DTWD2: variants seen among roughly 807,000 people sequenced by gnomAD.
DTWD2 encodes the protein tRNA-uridine aminocarboxypropyltransferase 2.
DTWD2 carries 39 observed loss-of-function variants against 31.8 expected under a neutral mutation model. That is an observed-to-expected ratio of 1.22 (90% CI 0.95 to 1.60). The LOEUF is 1.60. Among genes scored for constraint, DTWD2 ranks in the 40% most tolerant of loss-of-function variants. The pLI is 0.00. For synonymous variants in DTWD2, 180 were observed against 142.8 expected (o/e 1.26, Z -1.86); for missense variants, 515 against 381.5 (o/e 1.35, Z -2.92).
intron 4 of DTWD2, among the ~76,000 whole-genome samples, chr5:118,849,841 A>G (rs1019909739): frequency 2.0e-5 from 3 of 152,068 alleles, no homozygotes; most frequent in African/African-American, 7.2e-5. Context: ...ACACATGGAC[A>G]TCAGGAGGGG....
chr5:118,897,643 G>GC (rs1195160411), intron 4 of DTWD2, among the ~76,000 whole-genome samples: 1 of 152,116 alleles, frequency 6.6e-6, no homozygotes, highest in Non-Finnish European at 1.5e-5. Flanking sequence ...ATAGATAACT[G>GC]CAACAATAGC....
intron 4 of DTWD2, among the ~76,000 whole-genome samples, chr5:118,890,848 C>T (rs1011876755): frequency 2.6e-5 from 4 of 152,110 alleles, no homozygotes; most frequent in Admixed American, 1.3e-4. Flanking sequence ...GGATTACAGG[C>T]GTGGGCCACT....
intron 4 of DTWD2, among the ~76,000 whole-genome samples, chr5:118,887,643 G>C (rs1225057443): frequency 6.6e-6 from 1 of 152,278 alleles, no homozygotes; most frequent in East Asian, 1.9e-4. Flanking sequence ...GTTTAAGACA[G>C]GGACTCGCTG....
chr5:118,876,547 G>C (rs1365933459), intron 4 of DTWD2, among the ~76,000 whole-genome samples: 1 of 151,978 alleles, frequency 6.6e-6, no homozygotes, highest in Non-Finnish European at 1.5e-5. Flanking sequence ...ACGACAAGAG[G>C]GGTATTACCA....
chr5:118,963,535 A>C (rs1216551499), intron 1 of DTWD2, among the ~76,000 whole-genome samples: 1 of 152,230 alleles, frequency 6.6e-6, no homozygotes, highest in Admixed American at 6.5e-5. Context: ...TTTACCTAAA[A>C]TATAAGCATT....
At chr5:118,955,762 C>T (rs11960477) in intron 1 of DTWD2, among the ~76,000 whole-genome samples, 4,001 of 151,638 alleles carry the variant, frequency 0.026, 184 homozygotes, top group African/African-American at 0.091. Flanking sequence ...AGCCACTATG[C>T]TCCAGCCTGG....
intron 5 of DTWD2, among the ~76,000 whole-genome samples, chr5:118,846,013 G>A (rs1239414032): frequency 6.6e-6 from 1 of 152,040 alleles, no homozygotes; most frequent in East Asian, 1.9e-4. Flanking sequence ...CTAAAACAAC[G>A]TAAAGTTGTC....
chr5:118,859,437 C>G (rs1424727864), intron 4 of DTWD2, among the ~76,000 whole-genome samples: 2 of 152,062 alleles, frequency 1.3e-5, no homozygotes, highest in Non-Finnish European at 2.9e-5. Context: ...TTACATGTTG[C>G]ATATAGTATA....
intron 5 of DTWD2, among the ~76,000 whole-genome samples, chr5:118,845,715 C>T (rs1436981320): frequency 1.3e-5 from 2 of 152,168 alleles, no homozygotes; most frequent in African/African-American, 2.4e-5. Context: ...ATTTTATCTA[C>T]AGACAACAAT....
intron 4 of DTWD2, among the ~76,000 whole-genome samples, chr5:118,890,844 C>T (rs1332684284): frequency 6.6e-6 from 1 of 152,164 alleles, no homozygotes; most frequent in African/African-American, 2.4e-5. Flanking sequence ...GCTGGGATTA[C>T]AGGCGTGGGC....
chr5:118,926,260 G>C (rs1328347454), intron 4 of DTWD2, among the ~76,000 whole-genome samples: 1 of 152,164 alleles, frequency 6.6e-6, no homozygotes, highest in Non-Finnish European at 1.5e-5. Context: ...CAACTTGGAT[G>C]GAACTGGAGG....
chr5:118,936,958 T>C (rs1360644548), intron 3 of DTWD2, among the ~76,000 whole-genome samples: 2 of 152,276 alleles, frequency 1.3e-5, no homozygotes, highest in East Asian at 3.9e-4. Context: ...CAAGCAACTT[T>C]ATGACAATAA....
chr5:118,986,614 G>A (rs1240661107), intron 1 of DTWD2, among the ~76,000 whole-genome samples: 1 of 151,696 alleles, frequency 6.6e-6, no homozygotes, highest in African/African-American at 2.4e-5. Context: ...GTTCACCCAG[G>A]GTACTAGTAG....
chr5:118,983,362 T>C (rs1755350657), intron 1 of DTWD2, among the ~76,000 whole-genome samples: 1 of 152,224 alleles, frequency 6.6e-6, no homozygotes, highest in South Asian at 2.1e-4. Flanking sequence ...GATTTTTATA[T>C]GAAACATCTT....
At chr5:118,967,292 T>C (rs1754874390) in intron 1 of DTWD2, among the ~76,000 whole-genome samples, 1 of 152,146 alleles carries the variant, frequency 6.6e-6, no homozygotes, top group Admixed American at 6.6e-5. Flanking sequence ...CATATAGATT[T>C]AGAAATAGAT....
intron 4 of DTWD2, among the ~76,000 whole-genome samples, chr5:118,858,187 T>C (rs1752182359): frequency 6.6e-6 from 1 of 151,928 alleles, no homozygotes; most frequent in Admixed American, 6.6e-5. Context: ...AAAAAAAAGA[T>C]TTCTTGCCTT....
chr5:118,931,819 A>G (rs1341461754), intron 3 of DTWD2, among the ~76,000 whole-genome samples: 1 of 152,190 alleles, frequency 6.6e-6, no homozygotes, highest in Non-Finnish European at 1.5e-5. Context: ...ACTCACCAAA[A>G]CAGACCACAT....
chr5:118,928,098 G>A (rs887135963), intron 4 of DTWD2, among the ~76,000 whole-genome samples: 1 of 151,992 alleles, frequency 6.6e-6, no homozygotes, highest in African/African-American at 2.4e-5. Flanking sequence ...CCATATAACT[G>A]TAATAATGAA....
intron 1 of DTWD2, among the ~76,000 whole-genome samples, chr5:118,973,378 T>C (rs1382604725): frequency 6.6e-6 from 1 of 152,214 alleles, no homozygotes; most frequent in African/African-American, 2.4e-5. Context: ...GGTATGTTTT[T>C]GCAGTGGCTG....
Sources: allele counts gnomAD v4.1 joint callset (sites outside exome capture counted in the v4.1 genomes callset), GRCh38; gene constraint gnomAD v4.1.1; transcripts MANE v1.5; gene names NCBI Gene and HGNC (gene_info 2026-07-23, HGNC 2026-07-21).